Variants in TEK observed in about 807,000 individuals in gnomAD.
TEK encodes TEK receptor tyrosine kinase, also known as angiopoietin-1 receptor.
In TEK, 43 loss-of-function variants were observed where a neutral mutation model predicts 131.8. That is an observed-to-expected ratio of 0.33 (90% confidence interval 0.26 to 0.42). The LOEUF is 0.42. TEK is among the 10% of genes least tolerant of loss of function. TEK has a pLI of 1.00. For synonymous variants in TEK, 580 were observed against 491.6 expected (o/e 1.18, Z -2.38); for missense variants, 1,162 against 1,384.4 (o/e 0.84, Z 2.55).
intron 1 of TEK, among the ~76,000 whole-genome samples, chr9:27,137,015 A>C (rs1290244453): frequency 6.6e-6 from 1 of 152,156 alleles, no homozygotes; most frequent in Non-Finnish European, 1.5e-5. Context: ...TCCCGGGTTC[A>C]AGCGATTCTC....
chr9:27,188,228 G>T (rs10967763), intron 9 of TEK, among the ~76,000 whole-genome samples: 19,473 of 152,172 alleles, frequency 0.13, 1,437 homozygotes, highest in Admixed American at 0.23. Context: ...GGGCACACAG[G>T]TGCCTTCTGG....
At chr9:27,189,835 T>C (rs369987991) in intron 9 of TEK, among the ~76,000 whole-genome samples, 9 of 147,380 alleles carry the variant, frequency 6.1e-5, no homozygotes, top group African/African-American at 2.3e-4. Context: ...ATAATAAATT[T>C]GAGTTGTTTG....
chr9:27,177,665 G>A (rs544344904), intron 6 of TEK, among the ~76,000 whole-genome samples: 9 of 152,256 alleles, frequency 5.9e-5, no homozygotes, highest in East Asian at 1.9e-4. Context: ...CAGGAGAATC[G>A]CTTGAACCAG....
At chr9:27,188,338 T>C (rs1824675925) in intron 9 of TEK, among the ~76,000 whole-genome samples, 1 of 152,170 alleles carries the variant, frequency 6.6e-6, no homozygotes, top group African/African-American at 2.4e-5. Context: ...TATTCACGCT[T>C]TACAATATGT....
chr9:27,166,949 G>T (rs1823752521), intron 2 of TEK, among the ~76,000 whole-genome samples: 1 of 151,966 alleles, frequency 6.6e-6, no homozygotes, highest in Non-Finnish European at 1.5e-5. Flanking sequence ...TTGCCCTCTT[G>T]TTGAGGAAAG....
chr9:27,110,630 G>A (rs1004963916), intron 1 of TEK, among the ~76,000 whole-genome samples: 1 of 152,130 alleles, frequency 6.6e-6, no homozygotes, highest in African/African-American at 2.4e-5. Context: ...AATATAATTT[G>A]ATTCGAGTAT....
At chr9:27,112,310 C>CT (rs1363861715) in intron 1 of TEK, among the ~76,000 whole-genome samples, 1 of 152,158 alleles carries the variant, frequency 6.6e-6, no homozygotes, top group East Asian at 1.9e-4. Context: ...ATGAAACCCC[C>CT]TTGTTAGGGC....
chr9:27,121,380 G>C (rs1014977752), intron 1 of TEK, among the ~76,000 whole-genome samples: 11 of 151,758 alleles, frequency 7.2e-5, no homozygotes, highest in Non-Finnish European at 1.5e-4. Flanking sequence ...TTCTGAGTTA[G>C]GGTTACCTTA....
chr9:27,220,248 AACACCT>A, intron 21 of TEK, 103 bp downstream of exon 21: 1 of 1,003,850 alleles, frequency 1.0e-6, no homozygotes, highest in South Asian at 1.3e-5. Flanking sequence ...ACTATACACA[AACACCT>A]ACACACAGAG....
chr9:27,177,489 G>A (rs1824213202), intron 6 of TEK, among the ~76,000 whole-genome samples: 1 of 152,200 alleles, frequency 6.6e-6, no homozygotes, highest in African/African-American at 2.4e-5. Flanking sequence ...GATGGCTCAT[G>A]CCTGTAATCC....
chr9:27,175,008 G>A (rs1428496821), intron 6 of TEK, among the ~76,000 whole-genome samples: 1 of 148,524 alleles, frequency 6.7e-6, no homozygotes, highest in Non-Finnish European at 1.5e-5. Context: ...TTATTATACT[G>A]TAAGTTTTAG....
At chr9:27,157,750 A>G in intron 1 of TEK, 81 bp from the exon 2 acceptor site, 3 of 1,482,262 alleles carry the variant, frequency 2.0e-6, no homozygotes, top group Non-Finnish European at 2.8e-6. Context: ...ACTTTAAGAC[A>G]AGGCTTTGTG....
intron 11 of TEK, among the ~76,000 whole-genome samples, chr9:27,193,425 C>G (rs889234166): frequency 2.6e-5 from 4 of 152,132 alleles, no homozygotes; most frequent in African/African-American, 9.7e-5. Context: ...TCCACACGTT[C>G]TAGATAACAT....
chr9:27,197,467 G>A lies in TEK; in HGVS notation c.1777G>A (p.Val593Ile), dbSNP rs751643260. 2 of 1,614,078 alleles carry A rather than the reference G, an allele frequency of 1.2e-6. No homozygotes were observed. The highest frequency in any genetic ancestry group is 1.1e-5 in the South Asian group (1 of 91,088). Residue 593 changes from valine to isoleucine, a missense_variant, in exon 12 of 23, where the codon GTT (valine) becomes ATT (isoleucine). Physicochemically the swap from Val to Ile is conservative, Grantham distance 29 (BLOSUM62 3). Coordinates refer to ENST00000380036, the MANE Select transcript of TEK (RefSeq NM_000459.5). ...AAAAAGTGATCAGCAGAATATTAAA[G>A]TTCCAGGCAACTTGACTTCGGTGCT... ...VQKSDQQNIK[V>I]PGNLTSVLLN...
intron 18 of TEK, among the ~76,000 whole-genome samples, chr9:27,213,827 A>T (rs1251546289): frequency 2.0e-5 from 3 of 152,248 alleles, no homozygotes; most frequent in African/African-American, 7.2e-5. Flanking sequence ...TGACCAAGTG[A>T]TTGAATGTTC....
chr9:27,221,563 G>C (rs765632348), intron 21 of TEK, among the ~76,000 whole-genome samples: 4 of 152,188 alleles, frequency 2.6e-5, no homozygotes, highest in Admixed American at 2.0e-4. Context: ...CCTCTGGGAT[G>C]AACCCAGGCA....
chr9:27,177,224 A>G (rs1445933792), intron 6 of TEK, among the ~76,000 whole-genome samples: 2 of 152,198 alleles, frequency 1.3e-5, no homozygotes, highest in Non-Finnish European at 2.9e-5. Context: ...GGATTGCTGG[A>G]TCATATGGCA....
intron 14 of TEK, among the ~76,000 whole-genome samples, chr9:27,205,936 C>A (rs1355892082): frequency 6.6e-6 from 1 of 151,104 alleles, no homozygotes; most frequent in Non-Finnish European, 1.5e-5. Context: ...CAGGCTGTCG[C>A]TGGAGAAGAA....
intron 1 of TEK, among the ~76,000 whole-genome samples, chr9:27,115,565 C>T (rs558550714): frequency 1.3e-5 from 2 of 152,022 alleles, no homozygotes; most frequent in Admixed American, 6.6e-5. Context: ...TGTCTAAAAA[C>T]GTGGAATGTC....
Sources: gnomAD v4.1 joint callset for allele counts (sites outside exome capture counted in the v4.1 genomes callset) on GRCh38, gnomAD v4.1.1 for gene constraint, MANE v1.5 for transcripts, NCBI Gene and HGNC (gene_info 2026-07-23, HGNC 2026-07-21) for gene names.